The following ANO6 variants were observed in gnomAD, a reference collection of about 807,000 sequenced individuals.
The protein encoded by ANO6 is anoctamin 6, also known as anoctamin-6.
In ANO6, 106 loss-of-function variants were observed where a neutral mutation model predicts 117.5. The observed-to-expected ratio is 0.90, with a 90% CI of 0.77 to 1.06. The LOEUF is 1.06. Ranked by LOEUF, ANO6 falls within the 50% of genes least tolerant of loss-of-function variation. ANO6 has a pLI of 0.00. For missense variants in ANO6, 955 were observed against 1,121.1 expected, an observed-to-expected ratio of 0.85 and a Z score of 2.12; for synonymous variants, 367 against 385.1, an observed-to-expected ratio of 0.95 and a Z score of 0.55.
chr12:45,420,804 AGTTCGAGACCAGG>A (rs1943339307), intron 17 of ANO6, among the ~76,000 whole-genome samples: 2 of 106,770 alleles, frequency 1.9e-5, no homozygotes, highest in Admixed American at 1.7e-4. Context: ...TGAGACCAGG[AGTTCGAGACCAGG>A]AGTTCAAGAC....
chr12:45,216,485 G>A (rs1947314158), intron 1 of ANO6, 94 bp downstream of exon 1: 2 of 1,445,202 alleles, frequency 1.4e-6, no homozygotes, highest in East Asian at 2.5e-5. Context: ...TCTCCGCGGG[G>A]GAGGTTGGCC....
At chr12:45,433,032 G>C (rs527699361), downstream of ANO6, among the ~76,000 whole-genome samples, 4 of 152,314 alleles carry the variant, frequency 2.6e-5, no homozygotes, top group African/African-American at 9.6e-5. Flanking sequence ...AATAACTTCT[G>C]TAACAATTGG....
At chr12:45,361,944 G>A (rs1430461007) in intron 8 of ANO6, among the ~76,000 whole-genome samples, 3 of 152,012 alleles carry the variant, frequency 2.0e-5, no homozygotes, top group Admixed American at 6.6e-5. Context: ...AGAGATATTA[G>A]GTCTCTAGTT....
chr12:45,358,859 A>G (rs1004127593), intron 8 of ANO6, among the ~76,000 whole-genome samples: 1 of 148,826 alleles, frequency 6.7e-6, no homozygotes, highest in African/African-American at 2.5e-5. Context: ...ATCTCAGTTC[A>G]CTGCAACTTC....
intron 16 of ANO6, among the ~76,000 whole-genome samples, chr12:45,410,478 C>G (rs1943059820): frequency 6.6e-6 from 1 of 152,220 alleles, no homozygotes; most frequent in Non-Finnish European, 1.5e-5. Flanking sequence ...ATTTTGACCT[C>G]TCAGTTGCCT....
intron 1 of ANO6, among the ~76,000 whole-genome samples, chr12:45,286,645 G>A (rs909971389): frequency 1.3e-5 from 2 of 152,176 alleles, no homozygotes; most frequent in Non-Finnish European, 2.9e-5. Flanking sequence ...TCCTAAAGCT[G>A]TATACCCCTC....
chr12:45,347,600 GACATTTTTA>G, intron 4 of ANO6: 1 of 183,024 alleles, frequency 5.5e-6, no homozygotes, highest in South Asian at 1.3e-4. Context: ...ATAATTCTTT[GACATTTTTA>G]ACAGCCACAT....
At chr12:45,255,451 A>G (rs1457817345) in intron 1 of ANO6, among the ~76,000 whole-genome samples, 1 of 152,142 alleles carries the variant, frequency 6.6e-6, no homozygotes, top group African/African-American at 2.4e-5. Context: ...GGCAGCTGAG[A>G]TTGTGCCACT....
At chr12:45,364,931 TTTG>T in intron 8 of ANO6, among the ~76,000 whole-genome samples, 1 of 152,260 alleles carries the variant, frequency 6.6e-6, no homozygotes, top group African/African-American at 2.4e-5. Context: ...CTGTTCAGGG[TTTG>T]TTGTTGCTTC....
chr12:45,366,894 A>T (rs1376005846), intron 8 of ANO6, among the ~76,000 whole-genome samples: 2 of 152,244 alleles, frequency 1.3e-5, no homozygotes, highest in Admixed American at 1.3e-4. Context: ...TTACAGGTGT[A>T]TGGGGACATA....
At chr12:45,387,393 CT>C (rs778071236) in intron 10 of ANO6, among the ~76,000 whole-genome samples, 41 of 152,138 alleles carry the variant, frequency 2.7e-4, no homozygotes, top group Non-Finnish European at 5.0e-4. Context: ...TCCTCTTCCC[CT>C]GTAGGCCCTT....
At chr12:45,409,275 A>T in intron 15 of ANO6, 82 bp from the exon 16 acceptor site, 1 of 1,524,520 alleles carries the variant, frequency 6.6e-7, no homozygotes, top group Non-Finnish European at 9.1e-7. Flanking sequence ...TTACTTGTGC[A>T]GCTTTGAGAT....
At chr12:45,277,403 C>G (rs1406780198) in intron 1 of ANO6, among the ~76,000 whole-genome samples, 1 of 152,294 alleles carries the variant, frequency 6.6e-6, no homozygotes, top group East Asian at 1.9e-4. Flanking sequence ...GGAATCCTGT[C>G]AAATTCATCC....
At chr12:45,351,304 A>G (rs1941274425) in intron 7 of ANO6, among the ~76,000 whole-genome samples, 2 of 152,116 alleles carry the variant, frequency 1.3e-5, no homozygotes, top group Non-Finnish European at 2.9e-5. Flanking sequence ...AGACATGTAC[A>G]TTTTCACTCT....
chr12:45,338,175 A>G (rs575040557), intron 3 of ANO6, among the ~76,000 whole-genome samples: 1 of 152,202 alleles, frequency 6.6e-6, no homozygotes, highest in East Asian at 1.9e-4. Context: ...CATAATTTAA[A>G]GTTTCATCAC....
At chr12:45,359,304 A>G (rs1941494489) in intron 8 of ANO6, among the ~76,000 whole-genome samples, 1 of 152,164 alleles carries the variant, frequency 6.6e-6, no homozygotes, top group South Asian at 2.1e-4. Flanking sequence ...TCTACTCAGT[A>G]TGTAATAAAA....
intron 7 of ANO6, among the ~76,000 whole-genome samples, chr12:45,352,374 G>A (rs538837248): frequency 2.0e-5 from 3 of 151,700 alleles, no homozygotes; most frequent in Non-Finnish European, 4.4e-5. Context: ...ATGTCACGTC[G>A]TTTCATTAGC....
At chr12:45,393,681 G>T (rs530309981) in intron 12 of ANO6, among the ~76,000 whole-genome samples, 1 of 152,054 alleles carries the variant, frequency 6.6e-6, no homozygotes, top group Non-Finnish European at 1.5e-5. Flanking sequence ...AGAGAGTGGG[G>T]GCCAATATTC....
At chr12:45,382,604 C>G (rs1259054429) in intron 10 of ANO6, among the ~76,000 whole-genome samples, 7 of 152,132 alleles carry the variant, frequency 4.6e-5, no homozygotes, top group Non-Finnish European at 7.3e-5. Flanking sequence ...TTGCTAGGTA[C>G]AGGACTACCT....
Sources: gnomAD v4.1 joint callset for allele counts (sites outside exome capture counted in the v4.1 genomes callset) on GRCh38, gnomAD v4.1.1 for gene constraint, MANE v1.5 for transcripts, NCBI Gene and HGNC (gene_info 2026-07-23, HGNC 2026-07-21) for gene names.